TACR3: variants seen among roughly 807,000 people sequenced by gnomAD.
TACR3 encodes the protein neuromedin-K receptor.
A neutral mutation model predicts 35.0 loss-of-function variants in TACR3; 34 were observed. The observed-to-expected ratio is 0.97, with a 90% CI of 0.74 to 1.30. The LOEUF is 1.30. Ranked by LOEUF, TACR3 falls within the 50% of genes most tolerant of loss-of-function variation. The pLI is 0.00. For missense variants in TACR3, 558 were observed against 591.7 expected, an observed-to-expected ratio of 0.94 and a Z score of 0.59; for synonymous variants, 233 against 221.1, an observed-to-expected ratio of 1.05 and a Z score of -0.48.
chr4:103,674,992 C>G (rs1031809005), intron 1 of TACR3, among the ~76,000 whole-genome samples: 10 of 152,146 alleles, frequency 6.6e-5, no homozygotes, highest in Admixed American at 6.5e-4. Flanking sequence ...CAGAAGAAAT[C>G]TTACTATACT....
rs1173090637 is a variant in TACR3 at position 103,719,517 on chromosome 4, G to A, written c.159C>T (p.Ser53=). ...CAGGCAGTCCCAGCGCGGAAGGGGA[G>A]GAGGAGAGGTTGCCAGCTTGGTCCA... The part of the protein sequence containing the change: ...QLLDQAGNLS[S]SPSALGLPVA... The change falls in exon 1 of 5, where the codon TCC becomes TCT. Residue 53 remains serine, a synonymous_variant. Coordinates refer to ENST00000304883, the MANE Select transcript of TACR3 (RefSeq NM_001059.3). The A allele has an allele frequency of 6.2e-7, 1 of 1,609,686 alleles. No individual in the cohort carries two copies. Among genetic ancestry groups the A allele is most frequent in the Non-Finnish European group, 8.5e-7 (1 of 1,176,500 alleles).
At chr4:103,594,676 T>TA (rs1723967678) in intron 3 of TACR3, among the ~76,000 whole-genome samples, 1 of 152,204 alleles carries the variant, frequency 6.6e-6, no homozygotes, top group Non-Finnish European at 1.5e-5. Flanking sequence ...TCCTTTTAGA[T>TA]AAATTTCAAT....
At chr4:103,592,024 C>T (rs1041831219) in intron 3 of TACR3, among the ~76,000 whole-genome samples, 5 of 152,080 alleles carry the variant, frequency 3.3e-5, no homozygotes, top group Non-Finnish European at 7.4e-5. Flanking sequence ...GGCTGTGTAG[C>T]CTGCATTGTA....
At chr4:103,590,592 GAAA>G (rs34001520) in intron 4 of TACR3, among the ~76,000 whole-genome samples, 1 of 150,550 alleles carries the variant, frequency 6.6e-6, no homozygotes, top group Admixed American at 6.6e-5. Context: ...TGCAATTAGT[GAAA>G]AAAAAAGCAA....
At chr4:103,679,662 C>T (rs534152487) in intron 1 of TACR3, among the ~76,000 whole-genome samples, 1 of 152,008 alleles carries the variant, frequency 6.6e-6, no homozygotes, top group Admixed American at 6.6e-5. Context: ...TTTTATGAGA[C>T]ACCCCCTTTA....
chr4:103,605,992 A>T (rs555322855), intron 3 of TACR3, among the ~76,000 whole-genome samples: 1 of 151,676 alleles, frequency 6.6e-6, no homozygotes, highest in Non-Finnish European at 1.5e-5. Flanking sequence ...ATCTTGAATT[A>T]ATTTTTGTAT....
intron 1 of TACR3, among the ~76,000 whole-genome samples, chr4:103,685,392 T>C (rs1722206958): frequency 1.3e-5 from 2 of 152,034 alleles, no homozygotes; most frequent in African/African-American, 2.4e-5. Context: ...AAGTAAAACA[T>C]TAAAACAACA....
rs762485172 is a variant in TACR3, at chr4:103,589,673, G to A, written c.*9C>T. 4 of 1,613,552 alleles carry A rather than the reference G, an allele frequency of 2.5e-6. 1 individual carries two copies. In the Admixed American group the frequency reaches 5.0e-5, roughly 20 times the overall value. ...GTCTCACACTAATCTTTTACCTCAG[G>A]AAATGGAATTAAGAATATTCATCCA... On this transcript the variant is annotated 3_prime_UTR_variant, in exon 5 of 5. Transcript: ENST00000304883.
chr4:103,655,201 C>T (rs1483190743), intron 3 of TACR3, among the ~76,000 whole-genome samples: 1 of 152,060 alleles, frequency 6.6e-6, no homozygotes, highest in East Asian at 1.9e-4. Flanking sequence ...AGAAAAAGCA[C>T]TATTAAAATG....
chr4:103,615,753 A>G (rs1199259883), intron 3 of TACR3, among the ~76,000 whole-genome samples: 2 of 152,222 alleles, frequency 1.3e-5, no homozygotes, highest in African/African-American at 4.8e-5. Flanking sequence ...ACAGTAAAAA[A>G]GTACACAGAC....
chr4:103,719,718 G>T lies in TACR3; in HGVS notation c.-43C>A. Reference sequence around the variant, plus strand: ...CCCGGACCCTCCCACTCACCCACGGGCAGCCCAAGACGAGACTCCTCTGAA... The same window carrying T: ...CCCGGACCCTCCCACTCACCCACGGTCAGCCCAAGACGAGACTCCTCTGAA... On this transcript the variant is annotated 5_prime_UTR_variant, in exon 1 of 5. Coordinates refer to ENST00000304883, the MANE Select transcript of TACR3 (RefSeq NM_001059.3). 6.2e-7 allele frequency: 1 copy of T among 1,601,000 alleles called. No homozygotes were observed.
At chr4:103,708,070 T>TG (rs1722840276) in intron 1 of TACR3, among the ~76,000 whole-genome samples, 1 of 152,186 alleles carries the variant, frequency 6.6e-6, no homozygotes, top group Non-Finnish European at 1.5e-5. Context: ...ACTCCACCTC[T>TG]GGGGGCAGGG....
intron 1 of TACR3, among the ~76,000 whole-genome samples, chr4:103,707,081 G>A (rs144870421): frequency 1.3e-3 from 200 of 152,282 alleles, no homozygotes; most frequent in Non-Finnish European, 1.0e-3. Context: ...GGCCCACTCG[G>A]TGGAATGCTA....
intron 1 of TACR3, among the ~76,000 whole-genome samples, chr4:103,666,547 T>C (rs1248468200): frequency 1.3e-5 from 2 of 152,190 alleles, no homozygotes; most frequent in Non-Finnish European, 2.9e-5. Context: ...AATGCTTAGG[T>C]ACCATACACT....
At chr4:103,600,347 T>A (rs1349684586) in intron 3 of TACR3, among the ~76,000 whole-genome samples, 1 of 152,150 alleles carries the variant, frequency 6.6e-6, no homozygotes. Flanking sequence ...CTTCTCTCTT[T>A]TCTTCTTTAT....
chr4:103,684,978 A>C (rs1722194132), intron 1 of TACR3, among the ~76,000 whole-genome samples: 1 of 149,064 alleles, frequency 6.7e-6, no homozygotes, highest in Non-Finnish European at 1.5e-5. Context: ...GCAAGGCTCC[A>C]TCTCAAAATT....
intron 1 of TACR3, among the ~76,000 whole-genome samples, chr4:103,704,007 G>A (rs1722725440): frequency 6.7e-6 from 1 of 149,804 alleles, no homozygotes; most frequent in African/African-American, 2.4e-5. Context: ...AGGAGGCTGA[G>A]GCAGGAGAAT....
intron 1 of TACR3, among the ~76,000 whole-genome samples, chr4:103,696,312 G>T (rs1042252565): frequency 6.6e-6 from 1 of 152,008 alleles, no homozygotes; most frequent in African/African-American, 2.4e-5. Context: ...TTTGATAAAA[G>T]ATCAGAAACT....
intron 3 of TACR3, among the ~76,000 whole-genome samples, chr4:103,594,747 A>G (rs1723969778): frequency 6.6e-6 from 1 of 152,180 alleles, no homozygotes; most frequent in Non-Finnish European, 1.5e-5. Flanking sequence ...GGAAAATGGA[A>G]CAGAGACTTC....
Sources: allele counts gnomAD v4.1 joint callset (sites outside exome capture counted in the v4.1 genomes callset), GRCh38; gene constraint gnomAD v4.1.1; transcripts MANE v1.5; gene names NCBI Gene and HGNC (gene_info 2026-07-23, HGNC 2026-07-21).